PTPRG: variants seen among roughly 807,000 people sequenced by gnomAD.
The protein encoded by PTPRG is receptor-type tyrosine-protein phosphatase gamma.
PTPRG carries 102 observed loss-of-function variants against 165.3 expected under a neutral mutation model. The observed-to-expected ratio is 0.62, with a 90% CI of 0.53 to 0.73. PTPRG has a LOEUF of 0.73. Ranked by LOEUF, PTPRG falls within the 30% of genes least tolerant of loss-of-function variation. The pLI, the probability that PTPRG is intolerant of heterozygous loss-of-function variation, is 0.00. For synonymous variants in PTPRG, 675 were observed against 669.5 expected (o/e 1.01, Z -0.13); for missense variants, 1,866 against 1,861.4 (o/e 1.00, Z -0.05).
chr3:61,903,433 G>A (rs1202970507), intron 2 of PTPRG, among the ~76,000 whole-genome samples: 1 of 152,150 alleles, frequency 6.6e-6, no homozygotes, highest in East Asian at 1.9e-4. Context: ...GAGTGCAGTG[G>A]CACAATCTCG....
At chr3:61,978,556 A>G (rs555096002) in intron 2 of PTPRG, among the ~76,000 whole-genome samples, 1 of 152,310 alleles carries the variant, frequency 6.6e-6, no homozygotes, top group East Asian at 1.9e-4. Flanking sequence ...CTTTCGTATT[A>G]TAAACATTGC....
chr3:62,168,255 G>A (rs950965210), intron 8 of PTPRG, 92 bp downstream of exon 8: 3 of 1,261,034 alleles, frequency 2.4e-6, no homozygotes, highest in Non-Finnish European at 3.3e-6. Flanking sequence ...CAGGAATTGG[G>A]ACTTGGTGTT....
chr3:61,901,985 C>T (rs980644362), intron 2 of PTPRG, among the ~76,000 whole-genome samples: 7 of 152,118 alleles, frequency 4.6e-5, no homozygotes, highest in African/African-American at 7.2e-5. Flanking sequence ...AGGTTTTTGT[C>T]TTGTAATGAA....
chr3:61,963,323 T>G (rs927112795), intron 2 of PTPRG, among the ~76,000 whole-genome samples: 1 of 152,064 alleles, frequency 6.6e-6, no homozygotes, highest in African/African-American at 2.4e-5. Context: ...CATTATTTCA[T>G]AAGAGTTTAC....
chr3:62,087,368 TA>T (rs1018796678), intron 5 of PTPRG, among the ~76,000 whole-genome samples: 1 of 152,202 alleles, frequency 6.6e-6, no homozygotes, highest in Admixed American at 6.5e-5. Flanking sequence ...ACTCCTGACA[TA>T]AAGCACTTTA....
At chr3:62,218,030 G>A (rs568643970) in intron 12 of PTPRG, among the ~76,000 whole-genome samples, 1 of 152,286 alleles carries the variant, frequency 6.6e-6, no homozygotes, top group South Asian at 2.1e-4. Flanking sequence ...GGAAGGATCT[G>A]GGGTAGGTGA....
At chr3:62,038,014 T>A (rs1364951602) in intron 4 of PTPRG, among the ~76,000 whole-genome samples, 1 of 152,120 alleles carries the variant, frequency 6.6e-6, no homozygotes, top group Non-Finnish European at 1.5e-5. Flanking sequence ...CACTGAGCCT[T>A]GATATGTTGG....
intron 1 of PTPRG, among the ~76,000 whole-genome samples, chr3:61,612,859 TTGTGTGTG>T (rs57134478): frequency 0.075 from 11,235 of 150,294 alleles, 515 homozygotes; most frequent in African/African-American, 0.13. Context: ...TGGAATTAAT[TTGTGTGTG>T]TGTGTGTGTG....
At chr3:61,917,811 T>C (rs1027005470) in intron 2 of PTPRG, among the ~76,000 whole-genome samples, 4 of 152,094 alleles carry the variant, frequency 2.6e-5, no homozygotes, top group Non-Finnish European at 4.4e-5. Context: ...CGGACGCTTG[T>C]AATCCTAGCT....
At chr3:62,216,431 C>A (rs1272058858) in intron 12 of PTPRG, among the ~76,000 whole-genome samples, 1 of 151,094 alleles carries the variant, frequency 6.6e-6, no homozygotes, top group African/African-American at 2.4e-5. Context: ...CCCTCCTGTA[C>A]CCAAGGGCTT....
intron 1 of PTPRG, among the ~76,000 whole-genome samples, chr3:61,648,133 TG>T (rs142378189): frequency 0.039 from 5,910 of 152,224 alleles, 145 homozygotes; most frequent in African/African-American, 0.067. Context: ...ATCCTGACAG[TG>T]GAATTAGTAA....
intron 25 of PTPRG, 90 bp downstream of exon 25, chr3:62,277,138 G>C (rs565118881): frequency 6.9e-4 from 691 of 1,003,858 alleles, no homozygotes; most frequent in Non-Finnish European, 9.6e-4. Flanking sequence ...TGTCATTTTT[G>C]AAATAATTTC....
chr3:61,902,775 T>C (rs1366694521), intron 2 of PTPRG, among the ~76,000 whole-genome samples: 3 of 152,166 alleles, frequency 2.0e-5, no homozygotes, highest in African/African-American at 7.2e-5. Context: ...TAAATCTTTA[T>C]TGAGCATGTA....
At chr3:61,741,435 C>A (rs2032979214) in intron 1 of PTPRG, among the ~76,000 whole-genome samples, 1 of 152,138 alleles carries the variant, frequency 6.6e-6, no homozygotes, top group Admixed American at 6.5e-5. Flanking sequence ...ACCAGAATTT[C>A]TTTGTTCTGA....
At chr3:61,632,325 AC>A (rs59428504) in intron 1 of PTPRG, among the ~76,000 whole-genome samples, 3,786 of 152,148 alleles carry the variant, frequency 0.025, 84 homozygotes, top group Middle Eastern at 0.08. Flanking sequence ...ACATACACAC[AC>A]ACACACACAC....
At chr3:61,833,665 C>G (rs2036374704) in intron 2 of PTPRG, among the ~76,000 whole-genome samples, 3 of 152,024 alleles carry the variant, frequency 2.0e-5, no homozygotes, top group South Asian at 4.2e-4. Context: ...TGGGTTCAAG[C>G]AATTCTCGTG....
chr3:62,125,102 CCT>C (rs752624137), intron 5 of PTPRG, among the ~76,000 whole-genome samples: 109 of 152,268 alleles, frequency 7.2e-4, no homozygotes, highest in Non-Finnish European at 1.1e-3. Flanking sequence ...GCTTTGTCCC[CCT>C]GTCACCTTTT....
intron 2 of PTPRG, among the ~76,000 whole-genome samples, chr3:61,800,066 A>G (rs781229072): frequency 1.3e-5 from 2 of 152,206 alleles, no homozygotes; most frequent in Non-Finnish European, 2.9e-5. Flanking sequence ...AACAATGGAA[A>G]TAGAGTGAAA....
intron 2 of PTPRG, among the ~76,000 whole-genome samples, chr3:61,783,518 A>G (rs926887163): frequency 2.6e-5 from 4 of 152,168 alleles, no homozygotes; most frequent in African/African-American, 7.2e-5. Flanking sequence ...GGAACCAGCT[A>G]TAATGTGTCC....
Sources: gnomAD v4.1 joint callset for allele counts (sites outside exome capture counted in the v4.1 genomes callset) on GRCh38, gnomAD v4.1.1 for gene constraint, MANE v1.5 for transcripts, NCBI Gene and HGNC (gene_info 2026-07-23, HGNC 2026-07-21) for gene names.